The following DMBT1 variants were observed in gnomAD, a reference collection of about 807,000 sequenced individuals.
DMBT1 encodes deleted in malignant brain tumors 1, also known as scavenger receptor cysteine-rich domain-containing protein DMBT1.
In DMBT1, 198 loss-of-function variants were observed where a neutral mutation model predicts 252.9. That is an observed-to-expected ratio of 0.78 (90% confidence interval 0.70 to 0.88). DMBT1 has a LOEUF of 0.88. Among genes scored for constraint, DMBT1 ranks in the 40% least tolerant of loss-of-function variants. The pLI is 0.00. For synonymous variants in DMBT1, 990 were observed against 942.7 expected (o/e 1.05, Z -0.92); for missense variants, 2,432 against 2,404.7 (o/e 1.01, Z -0.24).
chr10:122,588,223 T>C (rs2097809148), intron 16 of DMBT1, among the ~76,000 whole-genome samples: 1 of 148,206 alleles, frequency 6.7e-6, no homozygotes, highest in Non-Finnish European at 1.5e-5. Flanking sequence ...AATGTTTTTT[T>C]CTGAAAATGA....
intron 51 of DMBT1, 78 bp downstream of exon 51, chr10:122,632,968 G>C: frequency 1.9e-6 from 3 of 1,595,692 alleles, no homozygotes; most frequent in Non-Finnish European, 2.6e-6. Context: ...GTGACAATGG[G>C]GCTGGGGAGG....
At chr10:122,577,380 A>G (rs2097721993) in intron 7 of DMBT1, among the ~76,000 whole-genome samples, 1 of 152,218 alleles carries the variant, frequency 6.6e-6, no homozygotes, top group Non-Finnish European at 1.5e-5. Context: ...AGTGAGTCGC[A>G]AATGGTGGGC....
intron 1 of DMBT1, among the ~76,000 whole-genome samples, chr10:122,565,543 C>T (rs1206653016): frequency 6.6e-6 from 1 of 152,158 alleles, no homozygotes; most frequent in Non-Finnish European, 1.5e-5. Context: ...GGTTATGAGT[C>T]AGAAGGAACA....
chr10:122,571,010 C>T (rs528302457), intron 4 of DMBT1, 73 bp downstream of exon 4: 41 of 1,541,932 alleles, frequency 2.7e-5, no homozygotes, highest in South Asian at 1.7e-4. Context: ...CTGATTCAGA[C>T]GAGGTGCAGA....
chr10:122,578,790 T>A (rs2097736466), intron 9 of DMBT1, 31 bp downstream of exon 9: 1 of 1,584,426 alleles, frequency 6.3e-7, no homozygotes, highest in East Asian at 2.3e-5. Context: ...TCCCTGGGGC[T>A]CACTTTCTAC....
At chr10:122,617,357 T>C in intron 40 of DMBT1, 97 bp downstream of exon 40, 1 of 1,430,666 alleles carries the variant, frequency 7.0e-7, no homozygotes, top group East Asian at 2.5e-5. Context: ...GCCCCTCTCT[T>C]TTCATGTCCC....
Position 122,632,885 on chromosome 10 carries a change from C to T in DMBT1, c.6392C>T (p.Pro2131Leu). The T allele has an allele frequency of 1.2e-6, 2 of 1,613,850 alleles. No individual in the cohort carries two copies. The highest frequency in any genetic ancestry group is 1.3e-5 in the African/African-American group (1 of 75,006). Residue 2131 changes from proline (P) to leucine (L), a missense_variant, in exon 51 of 56, where the codon CCA (proline) becomes CTA (leucine). Transcript: ENST00000338354. ...TPAPFLNITRPNTDYSCGGFL... is the reference protein window; with the variant it reads ...TPAPFLNITRLNTDYSCGGFL... ...GCTCCTTTTCTCAACATCACCCGTC[C>T]AAACAGTAAGTTCTGAGCTCCCTGA... is the stretch of plus-strand genomic sequence containing the variant.
intron 10 of DMBT1, among the ~76,000 whole-genome samples, chr10:122,580,506 G>A (rs997826403): frequency 6.6e-6 from 1 of 152,218 alleles, no homozygotes; most frequent in Non-Finnish European, 1.5e-5. Flanking sequence ...ACATGGCCTT[G>A]TCATTGCCTG....
chr10:122,579,961 C>T (rs1288493081), intron 10 of DMBT1, 60 bp downstream of exon 10: 6 of 1,610,796 alleles, frequency 3.7e-6, no homozygotes, highest in Non-Finnish European at 5.1e-6. Context: ...AAAAGAAACT[C>T]CTAATTACAT....
intron 54 of DMBT1, among the ~76,000 whole-genome samples, chr10:122,638,089 G>A (rs890973856): frequency 2.0e-5 from 3 of 152,166 alleles, no homozygotes; most frequent in African/African-American, 2.4e-5. Context: ...AAATGAGGAC[G>A]GTTAGTCACC....
chr10:122,578,008 G>A (rs2097728105), intron 8 of DMBT1, among the ~76,000 whole-genome samples, 168 bp downstream of exon 8: 1 of 152,190 alleles, frequency 6.6e-6, no homozygotes, highest in South Asian at 2.1e-4. Context: ...CCACACATGG[G>A]ATTTAGCTTC....
chr10:122,636,613 T>G (rs1318564008), intron 53 of DMBT1, among the ~76,000 whole-genome samples: 1 of 152,152 alleles, frequency 6.6e-6, no homozygotes, highest in Non-Finnish European at 1.5e-5. Context: ...GCTGGGTGGC[T>G]GGAAGTGGCT....
chr10:122,591,397 T>C (rs1295992925), intron 18 of DMBT1, 82 bp from the exon 19 acceptor site: 2 of 1,415,816 alleles, frequency 1.4e-6, no homozygotes, highest in Non-Finnish European at 9.9e-7. Context: ...TTCATGATGC[T>C]TGCCTTGTCC....
At chr10:122,585,456 G>A (rs1309087945) in intron 15 of DMBT1, 147 bp downstream of exon 15, 3 of 1,118,602 alleles carry the variant, frequency 2.7e-6, no homozygotes, top group African/African-American at 3.0e-5. Flanking sequence ...GAGTCTCTGG[G>A]GACCCAGCTG....
At chr10:122,574,128 C>T (rs1159374236) in intron 6 of DMBT1, among the ~76,000 whole-genome samples, 1 of 152,180 alleles carries the variant, frequency 6.6e-6, no homozygotes, top group African/African-American at 2.4e-5. Flanking sequence ...CAGGTGCCTA[C>T]CTGCTAACGT....
At chr10:122,624,411 T>C (rs1165720173) in intron 44 of DMBT1, among the ~76,000 whole-genome samples, 1 of 152,244 alleles carries the variant, frequency 6.6e-6, no homozygotes, top group Non-Finnish European at 1.5e-5. Flanking sequence ...TCTATGCTGC[T>C]GGAGAACATT....
intron 1 of DMBT1, 81 bp downstream of exon 1, chr10:122,560,912 A>G: frequency 1.8e-6 from 2 of 1,106,476 alleles, no homozygotes; most frequent in Admixed American, 2.2e-5. Context: ...ACTTTCCATT[A>G]CAAGGGAAGT....
rs1262800118 is a variant in DMBT1, at chr10:122,636,063, T to G, written c.6621T>G (p.Ala2207=). The part of the protein sequence containing the change: ...DGPYRSSPLI[A]RVCDGARGSF... ...CCTACCGCAGTTCCCCTCTCATTGCTCGAGTTTGTGATGGGGCCAGAGGCT... is the reference window on the plus strand; with the variant it reads ...CCTACCGCAGTTCCCCTCTCATTGCGCGAGTTTGTGATGGGGCCAGAGGCT... The change falls in exon 53 of 56, where the codon GCT becomes GCG. Residue 2207 remains alanine (A), a synonymous_variant. Transcript: ENST00000338354. The G allele has an allele frequency of 1.9e-6, 3 of 1,613,854 alleles. No individual in the cohort carries two copies. Among genetic ancestry groups the G allele is most frequent in the Non-Finnish European group, 2.5e-6 (3 of 1,179,894 alleles).
At chr10:122,585,117 T>G (rs893193412) in intron 14 of DMBT1, among the ~76,000 whole-genome samples, 154 bp from the exon 15 acceptor site, 3 of 148,766 alleles carry the variant, frequency 2.0e-5, no homozygotes, top group Non-Finnish European at 4.5e-5. Flanking sequence ...CTGAGCTTGC[T>G]GAGCTGCAGA....
Sources: allele counts gnomAD v4.1 joint callset (sites outside exome capture counted in the v4.1 genomes callset), GRCh38; gene constraint gnomAD v4.1.1; transcripts MANE v1.5; gene names NCBI Gene and HGNC (gene_info 2026-07-23, HGNC 2026-07-21).